RPN2: variants seen among roughly 807,000 people sequenced by gnomAD.
RPN2 encodes the protein dolichyl-diphosphooligosaccharide--protein glycosyltransferase subunit 2.
RPN2 carries 29 observed loss-of-function variants against 71.4 expected under a neutral mutation model. The ratio of observed to expected loss-of-function variants is 0.41; its 90% CI spans 0.30 to 0.55. The LOEUF is 0.55. Ranked by LOEUF, RPN2 falls within the 20% of genes least tolerant of loss-of-function variation. The pLI is 0.35. For missense variants in RPN2, 726 were observed against 774.1 expected, an observed-to-expected ratio of 0.94 and a Z score of 0.74; for synonymous variants, 308 against 305.0, an observed-to-expected ratio of 1.01 and a Z score of -0.10.
intron 8 of RPN2, among the ~76,000 whole-genome samples, chr20:37,211,399 G>A (rs371766454): frequency 6.6e-6 from 1 of 150,644 alleles, no homozygotes; most frequent in South Asian, 2.1e-4. Context: ...GCACTTTGGG[G>A]GGGCCAAGGT....
chr20:37,228,832 C>G, intron 12 of RPN2, 88 bp downstream of exon 12: 1 of 1,265,320 alleles, frequency 7.9e-7, no homozygotes, highest in Non-Finnish European at 1.1e-6. Flanking sequence ...GGGCTCTTCA[C>G]CTTCGCCTTG....
chr20:37,225,898 C>T (rs2068063857), intron 11 of RPN2, 96 bp downstream of exon 11: 8 of 874,842 alleles, frequency 9.1e-6, no homozygotes, highest in South Asian at 2.8e-5. Flanking sequence ...GAGAATTCCA[C>T]GTTCCTGCTT....
chr20:37,196,235 C>CT (rs1008593832), intron 2 of RPN2, among the ~76,000 whole-genome samples: 5 of 146,084 alleles, frequency 3.4e-5, no homozygotes, highest in East Asian at 2.0e-4. Context: ...TCCCCCCCAC[C>CT]TTTTTTTTTT....
intron 1 of RPN2, among the ~76,000 whole-genome samples, chr20:37,181,959 G>T (rs1216734435): frequency 2.0e-5 from 3 of 152,018 alleles, no homozygotes; most frequent in African/African-American, 4.8e-5. Flanking sequence ...GCTCTTTGAG[G>T]GTGGGAGTTT....
At chr20:37,201,895 C>T (rs1403277017) in intron 4 of RPN2, among the ~76,000 whole-genome samples, 4 of 152,186 alleles carry the variant, frequency 2.6e-5, no homozygotes, top group African/African-American at 9.7e-5. Flanking sequence ...GAATGAACCA[C>T]CTGAGAAGAT....
intron 1 of RPN2, among the ~76,000 whole-genome samples, chr20:37,181,163 A>G (rs530414925): frequency 6.6e-6 from 1 of 151,672 alleles, no homozygotes; most frequent in Non-Finnish European, 1.5e-5. Context: ...CGGGAGGCGG[A>G]GGCTGCAGTG....
At chr20:37,188,231 C>T (rs1467459600) in intron 2 of RPN2, among the ~76,000 whole-genome samples, 4 of 152,182 alleles carry the variant, frequency 2.6e-5, no homozygotes, top group African/African-American at 4.8e-5. Flanking sequence ...TGCAGTGGCG[C>T]GATCTTGGCC....
chr20:37,239,425 A>G (rs1280701231), intron 16 of RPN2, among the ~76,000 whole-genome samples: 1 of 152,188 alleles, frequency 6.6e-6, no homozygotes, highest in Non-Finnish European at 1.5e-5. Context: ...TGCCTTGGAA[A>G]TGGCTTTCCC....
In RPN2 at chr20:37,203,361, C is replaced by CT. The variant is rs11348988; in HGVS notation, c.480-501dup. Among the ~76,000 whole-genome samples the CT allele has an allele frequency of 9.5e-4, 131 of 138,116 alleles. 2 individuals carry two copies. The highest frequency in any genetic ancestry group is 2.2e-3 in the East Asian group (10 of 4,550). 90.6% of individuals were successfully genotyped at this position (138,116 alleles called of 152,430 possible). Reference sequence around the variant, plus strand: ...AATTTTATGTGAATTTTGCTTCAATCTTTTTTTTTTTTTTTTTTTTTTTCT... The same window carrying CT: ...AATTTTATGTGAATTTTGCTTCAATCTTTTTTTTTTTTTTTTTTTTTTTTCT... On this transcript the variant is annotated intron_variant, in intron 4 of 16. Coordinates refer to ENST00000237530, the MANE Select transcript of RPN2 (RefSeq NM_002951.5).
At chr20:37,181,215 G>A (rs550183362) in intron 1 of RPN2, among the ~76,000 whole-genome samples, 3 of 150,320 alleles carry the variant, frequency 2.0e-5, no homozygotes, top group Non-Finnish European at 4.4e-5. Context: ...GCAACAGAGC[G>A]AGACTCTGTC....
At chr20:37,187,092 G>A (rs2067023448) in intron 2 of RPN2, among the ~76,000 whole-genome samples, 1 of 152,042 alleles carries the variant, frequency 6.6e-6, no homozygotes, top group Non-Finnish European at 1.5e-5. Flanking sequence ...CTAATCTATC[G>A]CTTATAAATA....
chr20:37,212,410 G>C (rs2067695466), intron 8 of RPN2, among the ~76,000 whole-genome samples: 1 of 151,990 alleles, frequency 6.6e-6, no homozygotes, highest in African/African-American at 2.4e-5. Context: ...AACATAGTAA[G>C]ACCTGTTTCT....
At chr20:37,218,511 C>T (rs1333097245) in intron 9 of RPN2, among the ~76,000 whole-genome samples, 1 of 150,910 alleles carries the variant, frequency 6.6e-6, no homozygotes, top group East Asian at 1.9e-4. Flanking sequence ...AGTTCGAGAC[C>T]AGCCTGGTCA....
intron 9 of RPN2, among the ~76,000 whole-genome samples, chr20:37,218,230 A>G (rs971283705): frequency 1.7e-4 from 26 of 152,004 alleles, no homozygotes; most frequent in African/African-American, 6.0e-4. Flanking sequence ...TGGGCAACAC[A>G]GGGAGATCCC....
intron 16 of RPN2, chr20:37,238,699 T>A: frequency 1.4e-6 from 1 of 727,302 alleles, no homozygotes; most frequent in East Asian, 2.6e-5. Flanking sequence ...TGGCTTTGAC[T>A]GTATAAGACT....
At chr20:37,199,342 C>A in intron 4 of RPN2, 117 bp downstream of exon 4, 1 of 1,305,344 alleles carries the variant, frequency 7.7e-7, no homozygotes, top group Non-Finnish European at 1.1e-6. Context: ...TAAATACTTC[C>A]GTGTGCCAGG....
intron 11 of RPN2, 48 bp from the exon 12 acceptor site, chr20:37,228,502 A>G (rs1238083530): frequency 2.6e-6 from 4 of 1,564,730 alleles, no homozygotes; most frequent in East Asian, 4.5e-5. Flanking sequence ...AGGCCCAGGG[A>G]GAATCTTGAA....
intron 16 of RPN2, among the ~76,000 whole-genome samples, chr20:37,237,027 C>A (rs996429150): frequency 2.0e-5 from 3 of 152,258 alleles, no homozygotes; most frequent in South Asian, 4.1e-4. Flanking sequence ...TGTAAAAATT[C>A]TCTGCTGCTA....
chr20:37,208,823 G>A (rs1330462377), intron 7 of RPN2, among the ~76,000 whole-genome samples: 1 of 152,220 alleles, frequency 6.6e-6, no homozygotes, highest in Non-Finnish European at 1.5e-5. Context: ...TAATGTCTAA[G>A]TGTTGGGTTT....
Sources: gnomAD v4.1 joint callset for allele counts (sites outside exome capture counted in the v4.1 genomes callset) on GRCh38, gnomAD v4.1.1 for gene constraint, MANE v1.5 for transcripts, NCBI Gene and HGNC (gene_info 2026-07-23, HGNC 2026-07-21) for gene names.